PDCD6IP: variants seen among roughly 807,000 people sequenced by gnomAD.
PDCD6IP encodes programmed cell death 6 interacting protein.
PDCD6IP carries 43 observed loss-of-function variants against 103.7 expected under a neutral mutation model. The observed-to-expected ratio is 0.41, with a 90% CI of 0.32 to 0.53. The LOEUF (loss-of-function observed/expected upper bound fraction) is 0.53. Ranked by LOEUF, PDCD6IP falls within the 20% of genes least tolerant of loss-of-function variation. The probability of loss-of-function intolerance (pLI) is 0.16; values close to 1 mark genes in which losing one functional copy is unlikely to be tolerated. For synonymous variants in PDCD6IP, 354 were observed against 378.7 expected (o/e 0.93, Z 0.76); for missense variants, 871 against 1,036.7 (o/e 0.84, Z 2.20).
chr3:33,804,206 C>A (rs1023412619), intron 1 of PDCD6IP, among the ~76,000 whole-genome samples: 1 of 152,130 alleles, frequency 6.6e-6, no homozygotes, highest in Non-Finnish European at 1.5e-5. Flanking sequence ...GGAACTCTCA[C>A]AAAGCTAGAG....
chr3:33,825,476 C>A, intron 5 of PDCD6IP, 136 bp downstream of exon 5: 1 of 696,780 alleles, frequency 1.4e-6, no homozygotes, highest in Non-Finnish European at 2.3e-6. Context: ...GGAAAATTTT[C>A]AGCTATCCTT....
intron 1 of PDCD6IP, among the ~76,000 whole-genome samples, chr3:33,807,190 T>C (rs1340943619): frequency 6.6e-6 from 1 of 152,230 alleles, no homozygotes; most frequent in Admixed American, 6.5e-5. Flanking sequence ...CATTCTTCTT[T>C]TCCTCACCCA....
intron 6 of PDCD6IP, 161 bp from the exon 7 acceptor site, chr3:33,828,692 G>A (rs1013484656): frequency 5.4e-5 from 28 of 516,172 alleles, no homozygotes; most frequent in African/African-American, 5.1e-4. Flanking sequence ...ACAAAATCAT[G>A]TCGTCTTCTC....
At chr3:33,808,355 C>A (rs1459961797) in intron 1 of PDCD6IP, among the ~76,000 whole-genome samples, 1 of 152,180 alleles carries the variant, frequency 6.6e-6, no homozygotes, top group Non-Finnish European at 1.5e-5. Flanking sequence ...CTCACTTCAG[C>A]CTTGACCTCC....
At chr3:33,818,008 A>G (rs1434284277) in intron 3 of PDCD6IP, among the ~76,000 whole-genome samples, 1 of 151,860 alleles carries the variant, frequency 6.6e-6, no homozygotes, top group Non-Finnish European at 1.5e-5. Flanking sequence ...TGGTATGATA[A>G]TATTTATGGG....
At chr3:33,845,637 A>G (rs895047367) in intron 12 of PDCD6IP, 49 bp downstream of exon 12, 2 of 1,409,158 alleles carry the variant, frequency 1.4e-6, no homozygotes, top group African/African-American at 1.4e-5. Flanking sequence ...AGAAAACCAC[A>G]TTCAAGCCAT....
chr3:33,798,977 C>T (rs897110106), intron 1 of PDCD6IP, 40 bp downstream of exon 1: 32 of 1,449,280 alleles, frequency 2.2e-5, no homozygotes, highest in East Asian at 5.0e-5. Flanking sequence ...GTCTGCCAGC[C>T]GTCGCTCGCC....
chr3:33,799,126 GC>G, intron 1 of PDCD6IP, 189 bp downstream of exon 1: 1 of 618,400 alleles, frequency 1.6e-6, no homozygotes, highest in Non-Finnish European at 2.8e-6. Context: ...CGCTGTGACT[GC>G]CCGCTTGTCC....
chr3:33,800,119 C>CAAAAAAAAAAAAAAAA (rs1173163869), intron 1 of PDCD6IP, among the ~76,000 whole-genome samples: 5 of 50,872 alleles, frequency 9.8e-5, no homozygotes, highest in Non-Finnish European at 1.6e-4. Flanking sequence ...GACTCCATCT[C>CAAAAAAAAAAAAAAAA]AAAAAAAAAA....
At position 33,866,675 on chromosome 3, in the gene PDCD6IP, TGCCCC is replaced by T; in HGVS notation, c.*151_*155del. 3.8e-6 allele frequency: 2 copies of T among 524,062 alleles called. No homozygotes were observed. Among genetic ancestry groups the T allele is most frequent in the Non-Finnish European group, 6.2e-6 (2 of 322,004 alleles). 32.5% of individuals were successfully genotyped at this position (524,062 alleles called of 1,614,324 possible). On this transcript the variant is annotated 3_prime_UTR_variant, in exon 18 of 18. Coordinates refer to ENST00000307296, the MANE Select transcript of PDCD6IP (RefSeq NM_013374.6). ...AATTTCTGTCTACAGCTAGAAGCTG[TGCCCC>T]AGTTCCACATTTGATTACACATGTG...
chr3:33,811,984 A>T (rs1696729841), intron 1 of PDCD6IP, 88 bp from the exon 2 acceptor site: 1 of 1,433,954 alleles, frequency 7.0e-7, no homozygotes, highest in South Asian at 1.5e-5. Flanking sequence ...AGCATGAATA[A>T]TTTTTGTATC....
In PDCD6IP at chr3:33,820,445, C is replaced by T. The variant is rs151112389; in HGVS notation, c.335-1510C>T. On this transcript the variant is annotated intron_variant, in intron 3 of 17. Coordinates refer to ENST00000307296, the MANE Select transcript of PDCD6IP (RefSeq NM_013374.6). ...ACAACATGAAATTTATTATCTTAATCATTTTTAAGTATACAGTTCACTAGT... is the reference window on the plus strand; with the variant it reads ...ACAACATGAAATTTATTATCTTAATTATTTTTAAGTATACAGTTCACTAGT... Among the ~76,000 whole-genome samples the T allele has an allele frequency of 5.0e-4, 76 of 152,230 alleles. No homozygotes were observed. In the East Asian group the frequency reaches 0.012, roughly 23 times the overall value.
chr3:33,855,059 C>T (rs1465744485), intron 14 of PDCD6IP, 107 bp from the exon 15 acceptor site: 1 of 656,788 alleles, frequency 1.5e-6, no homozygotes, highest in Non-Finnish European at 2.8e-6. Context: ...ATGCAGATCT[C>T]AGTTCTTCGG....
Position 33,835,674 on chromosome 3 carries a change from C to T in PDCD6IP, c.835-370C>T, listed in dbSNP as rs187791460. On this transcript the variant is annotated intron_variant, in intron 7 of 17. Transcript: ENST00000307296. ...TGGAGGTCACAGTGAGCCGAGATCG[C>T]GCCACTGTGCTCCAGCCTGGGCGTC... 1.8e-3 allele frequency among the ~76,000 whole-genome samples: 274 copies of T among 152,034 alleles called. 1 individual carries two copies. Among genetic ancestry groups the T allele is most frequent in the African/African-American group, 5.8e-3 (239 of 41,450 alleles).
intron 1 of PDCD6IP, among the ~76,000 whole-genome samples, chr3:33,807,084 C>T (rs1696615667): frequency 6.6e-6 from 1 of 152,112 alleles, no homozygotes; most frequent in African/African-American, 2.4e-5. Flanking sequence ...ATATAAATGC[C>T]CTGTTCCCCC....
intron 13 of PDCD6IP, among the ~76,000 whole-genome samples, chr3:33,853,678 C>T (rs140473886): frequency 0.01 from 1,524 of 152,002 alleles, 16 homozygotes; most frequent in Middle Eastern, 0.021. Context: ...TGTTTTGACT[C>T]CTATTGGATT....
chr3:33,857,187 G>A (rs953452873), intron 15 of PDCD6IP, among the ~76,000 whole-genome samples: 6 of 145,296 alleles, frequency 4.1e-5, no homozygotes, highest in African/African-American at 1.3e-4. Context: ...TTAAAAAAAG[G>A]TGATTTTTTT....
In PDCD6IP at chr3:33,841,908, C is replaced by T. The variant is rs1213357989; in HGVS notation, c.1193C>T (p.Ser398Phe). Residue 398 changes from serine to phenylalanine, a missense_variant, in exon 10 of 18, where the codon TCC becomes TTC. By Grantham distance (155) the Ser-to-Phe change is radical. Transcript: ENST00000307296. ...ATTLANGVLA[S>F]LNLPAAIEDV... is the part of the protein sequence containing the mutation. ...TCTCATTTTTTCAGGGTGCTAGCTT[C>T]CCTTAATCTTCCAGCAGCAATTGAA... 3.2e-6 allele frequency: 5 copies of T among 1,569,826 alleles called. No homozygotes were observed. The highest frequency in any genetic ancestry group is 4.3e-6 in the Non-Finnish European group (5 of 1,150,440).
chr3:33,831,719 GT>G (rs755529129), intron 7 of PDCD6IP, among the ~76,000 whole-genome samples: 98 of 150,662 alleles, frequency 6.5e-4, no homozygotes, highest in African/African-American at 2.3e-3. Context: ...TTAATTTCTT[GT>G]TTTTTTTCTT....
Sources: allele counts gnomAD v4.1 joint callset (sites outside exome capture counted in the v4.1 genomes callset), GRCh38; gene constraint gnomAD v4.1.1; transcripts MANE v1.5; gene names NCBI Gene and HGNC (gene_info 2026-07-23, HGNC 2026-07-21).